Variants in ADGRB3 observed in about 807,000 individuals in gnomAD.
ADGRB3 encodes adhesion G protein-coupled receptor B3.
In ADGRB3, 37 loss-of-function variants were observed where a neutral mutation model predicts 193.4. The observed-to-expected ratio is 0.19, with a 90% CI of 0.15 to 0.25. ADGRB3 has a LOEUF of 0.25. Among genes scored for constraint, ADGRB3 ranks in the 10% least tolerant of loss-of-function variants. The pLI is 1.00. For missense variants in ADGRB3, 1,637 were observed against 1,852.9 expected (o/e 0.88, Z 2.14); for synonymous variants, 690 against 644.2 (o/e 1.07, Z -1.08).
intron 17 of ADGRB3, among the ~76,000 whole-genome samples, chr6:69,131,124 G>C (rs1186922592): frequency 6.6e-6 from 1 of 151,840 alleles, no homozygotes; most frequent in African/African-American, 2.4e-5. Context: ...AAGTTAGCTT[G>C]AAATAAAAAA....
intron 8 of ADGRB3, among the ~76,000 whole-genome samples, chr6:68,960,611 C>T (rs554246609): frequency 1.1e-3 from 163 of 152,160 alleles, no homozygotes; most frequent in Non-Finnish European, 1.9e-3. Context: ...GAGAGTCTTC[C>T]TTTGGTCTCT....
At chr6:69,283,710 C>T (rs1767488986) in intron 20 of ADGRB3, among the ~76,000 whole-genome samples, 1 of 151,956 alleles carries the variant, frequency 6.6e-6, no homozygotes, top group Non-Finnish European at 1.5e-5. Flanking sequence ...CACTTTGGTT[C>T]TGTGAATATT....
chr6:68,810,642 C>A (rs1767492906), intron 3 of ADGRB3, among the ~76,000 whole-genome samples: 1 of 151,902 alleles, frequency 6.6e-6, no homozygotes, highest in Non-Finnish European at 1.5e-5. Context: ...TTGCACAATG[C>A]ATGAGATAAG....
At chr6:69,358,384 A>C (rs1485890325) in intron 28 of ADGRB3, among the ~76,000 whole-genome samples, 2 of 151,940 alleles carry the variant, frequency 1.3e-5, no homozygotes, top group African/African-American at 4.8e-5. Context: ...CTGTGATCTC[A>C]TCTCTGCAGT....
At chr6:69,274,402 A>G (rs971243629) in intron 20 of ADGRB3, among the ~76,000 whole-genome samples, 2 of 150,288 alleles carry the variant, frequency 1.3e-5, no homozygotes, top group Non-Finnish European at 3.0e-5. Context: ...GTGGCAGATA[A>G]TTTGTACTGA....
chr6:69,374,608 G>A (rs1216361098), intron 30 of ADGRB3, among the ~76,000 whole-genome samples: 1 of 151,924 alleles, frequency 6.6e-6, no homozygotes, highest in East Asian at 1.9e-4. Context: ...TCATACCAGG[G>A]GAATAGCCCT....
chr6:69,047,452 C>T (rs1771269990), intron 13 of ADGRB3, among the ~76,000 whole-genome samples: 1 of 150,452 alleles, frequency 6.6e-6, no homozygotes, highest in South Asian at 2.1e-4. Flanking sequence ...ATCATTCATA[C>T]ATTTTCTGAT....
chr6:68,859,519 C>T (rs1263916592), intron 3 of ADGRB3, among the ~76,000 whole-genome samples: 1 of 152,100 alleles, frequency 6.6e-6, no homozygotes, highest in Admixed American at 6.5e-5. Context: ...AATGGACTTA[C>T]ACTTTGACAT....
At chr6:69,117,520 A>G (rs1773568670) in intron 17 of ADGRB3, among the ~76,000 whole-genome samples, 1 of 152,220 alleles carries the variant, frequency 6.6e-6, no homozygotes, top group African/African-American at 2.4e-5. Context: ...TCTAATAAGT[A>G]ATATCAGAGC....
chr6:69,038,136 G>T (rs1770928611), intron 13 of ADGRB3, among the ~76,000 whole-genome samples: 1 of 152,114 alleles, frequency 6.6e-6, no homozygotes, highest in Non-Finnish European at 1.5e-5. Flanking sequence ...CTTTTCCTTT[G>T]TTAAGTTATA....
At chr6:68,637,948 T>A (rs955714732) in intron 2 of ADGRB3, among the ~76,000 whole-genome samples, 1 of 152,234 alleles carries the variant, frequency 6.6e-6, no homozygotes, top group Admixed American at 6.5e-5. Context: ...AAGTCTTCCC[T>A]ATGTATTTAT....
intron 10 of ADGRB3, among the ~76,000 whole-genome samples, chr6:68,988,319 G>A (rs1216475179): frequency 6.6e-6 from 1 of 152,112 alleles, no homozygotes; most frequent in African/African-American, 2.4e-5. Flanking sequence ...AAGAATTCGT[G>A]AAGGAGAAAA....
At chr6:69,266,689 T>G (rs1016579549) in intron 20 of ADGRB3, among the ~76,000 whole-genome samples, 1 of 151,950 alleles carries the variant, frequency 6.6e-6, no homozygotes, top group Non-Finnish European at 1.5e-5. Context: ...CACAAATATA[T>G]TGATTATATA....
rs374044826 is a variant in ADGRB3, at chr6:68,904,007, AG to A, written c.758-26548del. 2.7e-3 allele frequency among the ~76,000 whole-genome samples: 386 copies of A among 141,308 alleles called. 13 individuals carry two copies. The highest frequency in any genetic ancestry group is 5.1e-3 in the Non-Finnish European group (330 of 64,770). The allele number at this position is 141,308 out of a possible 152,430, so 92.7% of individuals were successfully genotyped here. ...AAGACAATATGAAAAAAAAAAAAAA[AG>A]GGGAGAAGAAGAGAGAGTAAACAAG... is the stretch of plus-strand genomic sequence containing the variant. On this transcript the variant is annotated intron_variant, in intron 3 of 31. Transcript: ENST00000370598.
intron 3 of ADGRB3, among the ~76,000 whole-genome samples, chr6:68,745,291 G>C (rs1055940706): frequency 1.3e-5 from 2 of 152,134 alleles, no homozygotes; most frequent in African/African-American, 4.8e-5. Flanking sequence ...TCTGTCATAA[G>C]CAACAACATG....
At chr6:69,281,578 C>T (rs1356061206) in intron 20 of ADGRB3, among the ~76,000 whole-genome samples, 1 of 152,162 alleles carries the variant, frequency 6.6e-6, no homozygotes. Context: ...TTTAGCCCAT[C>T]TGCACCTGCT....
chr6:69,289,712 C>G (rs1246724947), intron 20 of ADGRB3, among the ~76,000 whole-genome samples: 1 of 152,068 alleles, frequency 6.6e-6, no homozygotes, highest in Non-Finnish European at 1.5e-5. Context: ...ATCCTTGGCC[C>G]TACAGTTTCA....
intron 3 of ADGRB3, among the ~76,000 whole-genome samples, chr6:68,913,788 A>T (rs1294650316): frequency 1.3e-5 from 2 of 152,128 alleles, no homozygotes; most frequent in Non-Finnish European, 2.9e-5. Context: ...GAAGTTAAAA[A>T]CTTTGAAAAA....
At chr6:68,677,521 CTTT>C (rs1002070733) in intron 3 of ADGRB3, among the ~76,000 whole-genome samples, 1 of 120,308 alleles carries the variant, frequency 8.3e-6, no homozygotes. Context: ...TTCTTTTTTT[CTTT>C]TTTTTTTTTT....
Sources: gnomAD v4.1 joint callset for allele counts (sites outside exome capture counted in the v4.1 genomes callset) on GRCh38, gnomAD v4.1.1 for gene constraint, MANE v1.5 for transcripts, NCBI Gene and HGNC (gene_info 2026-07-23, HGNC 2026-07-21) for gene names.